The following ITGA8 variants were observed in gnomAD, a reference collection of about 807,000 sequenced individuals.
ITGA8 encodes integrin subunit alpha 8, also known as integrin alpha-8.
A neutral mutation model predicts 142.3 loss-of-function variants in ITGA8; 91 were observed. That is an observed-to-expected ratio of 0.64 (90% CI 0.54 to 0.76). The LOEUF (loss-of-function observed/expected upper bound fraction) is 0.76, where lower values mean the gene tolerates loss of function less well. Ranked by LOEUF, ITGA8 falls within the 30% of genes least tolerant of loss-of-function variation. The pLI is 0.00. For synonymous variants in ITGA8, 505 were observed against 485.2 expected, an observed-to-expected ratio of 1.04 and a Z score of -0.54; for missense variants, 1,406 against 1,327.7, an observed-to-expected ratio of 1.06 and a Z score of -0.92.
chr10:15,657,036 G>C, intron 10 of ITGA8, among the ~76,000 whole-genome samples: 1 of 152,152 alleles, frequency 6.6e-6, no homozygotes, highest in Non-Finnish European at 1.5e-5. Flanking sequence ...TCTTTTCTCT[G>C]TTCCAAACAT....
In ITGA8 at chr10:15,516,860, C is replaced by T. The variant is rs1432845162; in HGVS notation, c.*298G>A. ...CTGGATTGATCTGGACTGCAACTTA[C>T]GTTCCCATACGCATTTCAAAGTGTC... On this transcript the variant is annotated 3_prime_UTR_variant, in exon 30 of 30. Transcript: ENST00000378076. 3.6e-5 allele frequency: 9 copies of T among 249,302 alleles called. 1 individual carries two copies. Among genetic ancestry groups the T allele is most frequent in the Non-Finnish European group, 4.6e-5 (6 of 129,138 alleles). The allele number at this position is 249,302 out of a possible 1,614,324, so 15.4% of individuals were successfully genotyped here. A position where few individuals can be genotyped will look rare whatever the true frequency, so the allele number is the denominator to read the frequency against.
intron 25 of ITGA8, among the ~76,000 whole-genome samples, chr10:15,569,984 A>T (rs898578254): frequency 3.7e-4 from 56 of 152,206 alleles, no homozygotes; most frequent in African/African-American, 1.2e-3. Flanking sequence ...TCAATTATTT[A>T]TAGTCACTAA....
At chr10:15,555,295 C>T (rs188128758) in intron 26 of ITGA8, among the ~76,000 whole-genome samples, 1 of 152,240 alleles carries the variant, frequency 6.6e-6, no homozygotes, top group Admixed American at 6.5e-5. Context: ...AAGGGCACAC[C>T]ATGGAGCATT....
At chr10:15,606,920 T>C (rs954828308) in intron 17 of ITGA8, among the ~76,000 whole-genome samples, 1 of 152,178 alleles carries the variant, frequency 6.6e-6, no homozygotes, top group African/African-American at 2.4e-5. Flanking sequence ...GAAGTTCTTT[T>C]GGAAAAAGAA....
chr10:15,579,386 T>C (rs1834361548), intron 23 of ITGA8, among the ~76,000 whole-genome samples: 1 of 152,124 alleles, frequency 6.6e-6, no homozygotes, highest in South Asian at 2.1e-4. Context: ...ATTGAAAATA[T>C]TAATCTCATA....
chr10:15,614,376 A>G (rs1436068307), intron 14 of ITGA8, among the ~76,000 whole-genome samples: 1 of 152,300 alleles, frequency 6.6e-6, no homozygotes, highest in East Asian at 1.9e-4. Flanking sequence ...GTAATCACCT[A>G]AAGAGCTTTA....
At chr10:15,589,535 G>T (rs1361742661) in intron 22 of ITGA8, among the ~76,000 whole-genome samples, 1 of 152,148 alleles carries the variant, frequency 6.6e-6, no homozygotes, top group African/African-American at 2.4e-5. Flanking sequence ...GTGGAAAAGG[G>T]ATTCATTAAA....
intron 25 of ITGA8, among the ~76,000 whole-genome samples, chr10:15,560,160 TC>T (rs1833949249): frequency 6.6e-6 from 1 of 151,968 alleles, no homozygotes; most frequent in African/African-American, 2.4e-5. Flanking sequence ...AAGCCTGTAG[TC>T]CCAGATACTT....
intron 23 of ITGA8, among the ~76,000 whole-genome samples, chr10:15,582,028 C>T (rs145165592): frequency 0.023 from 3,477 of 152,214 alleles, 140 homozygotes; most frequent in African/African-American, 0.078. Context: ...TGCTTGAGGC[C>T]AGGAGTTCAA....
In ITGA8 at chr10:15,639,960, G is replaced by C. The variant is rs369391871; in HGVS notation, c.1399+4070C>G. ...CAGAAGGCACAGTAATCTGTGTTGT[G>C]CAAACCCTTATCAACTCCATTGGGG... On this transcript the variant is annotated intron_variant, in intron 13 of 29. Transcript: ENST00000378076. Among the ~76,000 whole-genome samples the C allele has an allele frequency of 1.4e-3, 3 of 2,210 alleles. No individual in the cohort carries two copies. In the Non-Finnish European group the frequency reaches 0.045, roughly 33 times the overall value. The allele number at this position is 2,210 out of a possible 152,430, so 1.4% of individuals were successfully genotyped here.
intron 2 of ITGA8, among the ~76,000 whole-genome samples, chr10:15,698,024 C>T (rs1448085659): frequency 1.3e-5 from 2 of 152,190 alleles, no homozygotes; most frequent in East Asian, 3.8e-4. Flanking sequence ...GCAGCGTACA[C>T]TGTACCCAAT....
chr10:15,685,004 T>G (rs1444781548), intron 3 of ITGA8, among the ~76,000 whole-genome samples: 1 of 152,196 alleles, frequency 6.6e-6, no homozygotes, highest in Non-Finnish European at 1.5e-5. Context: ...TTTCACAGTG[T>G]TTTTGGCTTG....
At chr10:15,705,603 C>T (rs189082473) in intron 2 of ITGA8, among the ~76,000 whole-genome samples, 3 of 152,236 alleles carry the variant, frequency 2.0e-5, no homozygotes, top group South Asian at 4.1e-4. Context: ...AGCTATAATA[C>T]CTTCTTAACT....
At chr10:15,691,744 T>G (rs1245551765) in intron 2 of ITGA8, among the ~76,000 whole-genome samples, 1 of 152,100 alleles carries the variant, frequency 6.6e-6, no homozygotes, top group African/African-American at 2.4e-5. Flanking sequence ...GGTACAAAGT[T>G]TCAGTTGGGA....
chr10:15,597,308 G>A lies in ITGA8; in HGVS notation c.2119-9C>T. 1 of 1,608,318 alleles carries A rather than the reference G, an allele frequency of 6.2e-7. No individual in the cohort carries two copies. Among genetic ancestry groups the A allele is most frequent in the Non-Finnish European group, 8.5e-7 (1 of 1,174,742 alleles). On this transcript the variant is annotated splice_polypyrimidine_tract_variant and intron_variant, in intron 20 of 29. Transcript: ENST00000378076. ...CTCAGTGGTCGAAATCCCTACAATT[G>A]CAAAGAACAGGGGGTTTAGGGGGCA...
Position 15,557,932 on chromosome 10 carries a change from G to A in ITGA8, c.2766+142C>T, listed in dbSNP as rs866930226. ...TACAGAAAAGTTGCTTTTCATTCTC[G>A]AGATAAACACTGCCAAACGTTAGGA... On this transcript the variant is annotated intron_variant, in intron 26 of 29. Coordinates refer to ENST00000378076, the MANE Select transcript of ITGA8 (RefSeq NM_003638.3). 2.1e-5 allele frequency: 22 copies of A among 1,049,028 alleles called. No homozygotes were observed. In the Admixed American group the frequency reaches 2.1e-4, roughly 10 times the overall value. 65.0% of individuals were successfully genotyped at this position (1,049,028 alleles called of 1,614,324 possible).
intron 2 of ITGA8, among the ~76,000 whole-genome samples, chr10:15,693,066 CAAAAT>C (rs372958181): frequency 1.0e-3 from 159 of 152,124 alleles, no homozygotes; most frequent in South Asian, 8.9e-3. Flanking sequence ...GACTCTGTCT[CAAAAT>C]AAAATAAAAT....
At chr10:15,718,645 A>T in intron 2 of ITGA8, 121 bp downstream of exon 2, 1 of 1,267,948 alleles carries the variant, frequency 7.9e-7, no homozygotes, top group Non-Finnish European at 1.1e-6. Context: ...CATAGCCCAC[A>T]ATACGGACAT....
At chr10:15,551,218 GGAA>G in intron 26 of ITGA8, among the ~76,000 whole-genome samples, 1 of 151,174 alleles carries the variant, frequency 6.6e-6, no homozygotes, top group East Asian at 2.0e-4. Flanking sequence ...GAGGCACTTA[GGAA>G]TTACTGGAAA....
Sources: gnomAD v4.1 joint callset for allele counts (sites outside exome capture counted in the v4.1 genomes callset) on GRCh38, gnomAD v4.1.1 for gene constraint, MANE v1.5 for transcripts, NCBI Gene and HGNC (gene_info 2026-07-23, HGNC 2026-07-21) for gene names.